P3H2: variants seen among roughly 807,000 people sequenced by gnomAD.
The protein encoded by P3H2 is prolyl 3-hydroxylase 2.
Under a neutral mutation model 87.0 loss-of-function variants are expected in P3H2, and 80 were observed. The ratio of observed to expected loss-of-function variants is 0.92; its 90% confidence interval spans 0.77 to 1.11. The LOEUF is 1.11. Ranked by LOEUF, P3H2 falls within the 50% of genes least tolerant of loss-of-function variation. P3H2 has a pLI of 0.00. For synonymous variants in P3H2, 367 were observed against 359.3 expected, an observed-to-expected ratio of 1.02 and a Z score of -0.24; for missense variants, 1,001 against 923.9, an observed-to-expected ratio of 1.08 and a Z score of -1.08.
At chr3:190,005,452 G>T (rs1401234993) in intron 1 of P3H2, among the ~76,000 whole-genome samples, 1 of 152,168 alleles carries the variant, frequency 6.6e-6, no homozygotes, top group Non-Finnish European at 1.5e-5. Flanking sequence ...ATTATTTGAG[G>T]AGGCTTTTAG....
chr3:190,036,147 C>A (rs560262833), intron 1 of P3H2, among the ~76,000 whole-genome samples: 1 of 152,274 alleles, frequency 6.6e-6, no homozygotes, highest in African/African-American at 2.4e-5. Flanking sequence ...TTCTGTTGTT[C>A]TCTAAAATGA....
rs1246239073 is a variant in P3H2, at chr3:189,981,478, G to A, written c.1324+1568C>T. On this transcript the variant is annotated intron_variant, in intron 8 of 14. Transcript: ENST00000319332. The stretch of plus-strand genomic sequence containing the variant: ...CTGTATTGAATGAATATGAGAGTAC[G>A]GTAGGTAAAAAAAAATTTTTTTTTT... 3.3e-5 allele frequency among the ~76,000 whole-genome samples: 5 copies of A among 151,982 alleles called. No homozygotes were observed. The East Asian group carries it at 5.8e-4, about 18-fold the overall frequency.
At chr3:190,042,674 AC>A (rs1725674260) in intron 1 of P3H2, among the ~76,000 whole-genome samples, 1 of 152,110 alleles carries the variant, frequency 6.6e-6, no homozygotes, top group Non-Finnish European at 1.5e-5. Context: ...CCTACAGTAA[AC>A]CTTTTGACCT....
chr3:189,971,755 C>T (rs1723184129), intron 12 of P3H2, 135 bp downstream of exon 12: 1 of 704,450 alleles, frequency 1.4e-6, no homozygotes, highest in Admixed American at 2.0e-5. Context: ...ATGGCAGCTA[C>T]TTCAGAAGAT....
chr3:190,078,599 A>T (rs560177517), intron 1 of P3H2, among the ~76,000 whole-genome samples: 1 of 152,314 alleles, frequency 6.6e-6, no homozygotes, highest in Non-Finnish European at 1.5e-5. Flanking sequence ...TAATAGCCCC[A>T]TGAGACAAGG....
chr3:190,033,570 T>A (rs1725323957), intron 1 of P3H2, among the ~76,000 whole-genome samples: 1 of 152,222 alleles, frequency 6.6e-6, no homozygotes, highest in Admixed American at 6.5e-5. Flanking sequence ...TACATGTCTA[T>A]TTCTTTATGA....
intron 1 of P3H2, among the ~76,000 whole-genome samples, chr3:190,048,697 C>T (rs1259835310): frequency 6.6e-6 from 1 of 152,058 alleles, no homozygotes; most frequent in Admixed American, 6.6e-5. Context: ...GAATTGAAGC[C>T]TTTTAACTTT....
At position 190,120,685 on chromosome 3, in the gene P3H2, A is replaced by G. The variant is rs757762447; in HGVS notation, c.47T>C (p.Leu16Pro). The change falls in exon 1 of 15, where the codon CTG (leucine) becomes CCG (proline). Residue 16 changes from leucine (L) to proline (P), a missense_variant. Coordinates refer to ENST00000319332, the MANE Select transcript of P3H2 (RefSeq NM_018192.4). ...WAPPLLLLLP[L>P]LLPPPLWGGP... ...GCCCCACAGTGGCGGCGGCAGTAGC[A>G]GCGGCAGCAGCAGCAGCAGCGGCGG... The G allele has an allele frequency of 7.2e-6, 11 of 1,521,714 alleles. No homozygotes were observed. The East Asian group carries it at 7.6e-5, about 11-fold the overall frequency. 94.3% of individuals were successfully genotyped at this position (1,521,714 alleles called of 1,614,324 possible).
At position 190,018,002 on chromosome 3, in the gene P3H2, C is replaced by A. The variant is rs546900035; in HGVS notation, c.481-22560G>T. ...AAAAAGGTGTTTAGATTACCCTTCTCATGAATTGTCAGGTGGCTGAAGTCA... is the reference window on the plus strand; with the variant it reads ...AAAAAGGTGTTTAGATTACCCTTCTAATGAATTGTCAGGTGGCTGAAGTCA... On this transcript the variant is annotated intron_variant, in intron 1 of 14. Coordinates refer to ENST00000319332, the MANE Select transcript of P3H2 (RefSeq NM_018192.4). 5.3e-5 allele frequency among the ~76,000 whole-genome samples: 8 copies of A among 152,322 alleles called. No homozygotes were observed. In the South Asian group the frequency reaches 1.7e-3, roughly 32 times the overall value.
intron 1 of P3H2, among the ~76,000 whole-genome samples, chr3:190,022,912 C>T (rs1165280714): frequency 6.6e-6 from 1 of 152,016 alleles, no homozygotes; most frequent in South Asian, 2.1e-4. Flanking sequence ...CTGCAAGTTC[C>T]ACCTCCCGGG....
At chr3:190,038,103 C>G (rs554307315) in intron 1 of P3H2, among the ~76,000 whole-genome samples, 1 of 152,126 alleles carries the variant, frequency 6.6e-6, no homozygotes, top group Admixed American at 6.5e-5. Context: ...GATCAAATTG[C>G]TTTTGATTTC....
chr3:189,958,699 CTT>C (rs71175319), intron 14 of P3H2, among the ~76,000 whole-genome samples: 10 of 120,200 alleles, frequency 8.3e-5, no homozygotes, highest in African/African-American at 1.6e-4. Flanking sequence ...ATTGCTCCCT[CTT>C]TTTTTTTTTT....
intron 13 of P3H2, chr3:189,969,544 A>G: frequency 8.0e-7 from 1 of 1,244,736 alleles, no homozygotes; most frequent in Admixed American, 1.7e-5. Context: ...TAATGACAAT[A>G]TCGCCAGGTT....
intron 1 of P3H2, among the ~76,000 whole-genome samples, chr3:190,064,283 G>A (rs1238841746): frequency 6.6e-6 from 1 of 151,832 alleles, no homozygotes; most frequent in Non-Finnish European, 1.5e-5. Flanking sequence ...AAAGTGCTGG[G>A]ATTATAGACA....
At chr3:190,094,903 T>G (rs557493525) in intron 1 of P3H2, among the ~76,000 whole-genome samples, 1 of 152,288 alleles carries the variant, frequency 6.6e-6, no homozygotes, top group East Asian at 1.9e-4. Flanking sequence ...TATTCAGATT[T>G]TTTGACTGAT....
chr3:190,064,031 A>G (rs1158382441), intron 1 of P3H2, among the ~76,000 whole-genome samples: 14 of 134,618 alleles, frequency 1.0e-4, no homozygotes, highest in Non-Finnish European at 9.3e-5. Flanking sequence ...TCTCACTGTT[A>G]CCCAGGCTGG....
intron 1 of P3H2, among the ~76,000 whole-genome samples, chr3:190,041,271 T>TC (rs143741919): frequency 0.052 from 3,144 of 60,758 alleles, 140 homozygotes; most frequent in African/African-American, 0.19. Context: ...TGATAACCTG[T>TC]CTTAAAAAAA....
intron 1 of P3H2, among the ~76,000 whole-genome samples, chr3:190,080,694 G>A (rs560752904): frequency 1.1e-4 from 16 of 152,068 alleles, no homozygotes; most frequent in African/African-American, 3.6e-4. Context: ...GAGCCACCGC[G>A]CCCAGCTGAG....
intron 6 of P3H2, among the ~76,000 whole-genome samples, chr3:189,986,521 G>A (rs539064475): frequency 1.7e-4 from 26 of 152,212 alleles, no homozygotes; most frequent in Non-Finnish European, 2.8e-4. Context: ...TCCAGGAGGC[G>A]GAGGTTGCAG....
Sources: allele counts gnomAD v4.1 joint callset (sites outside exome capture counted in the v4.1 genomes callset), GRCh38; gene constraint gnomAD v4.1.1; transcripts MANE v1.5; gene names NCBI Gene and HGNC (gene_info 2026-07-23, HGNC 2026-07-21).